MAST2: variants seen among roughly 807,000 people sequenced by gnomAD.
MAST2 encodes microtubule associated serine/threonine kinase 2, also known as microtubule-associated serine/threonine-protein kinase 2.
Under a neutral mutation model 147.4 loss-of-function variants are expected in MAST2, and 70 were observed. The ratio of observed to expected loss-of-function variants is 0.47; its 90% CI spans 0.39 to 0.58. The LOEUF (loss-of-function observed/expected upper bound fraction) is 0.58, where lower values mean the gene tolerates loss of function less well. MAST2 is among the 20% of genes least tolerant of loss of function. The probability of loss-of-function intolerance (pLI) is 0.00; values close to 1 mark genes in which losing one functional copy is unlikely to be tolerated. For synonymous variants in MAST2, 869 were observed against 896.8 expected, an observed-to-expected ratio of 0.97 and a Z score of 0.55; for missense variants, 2,080 against 2,302.3, an observed-to-expected ratio of 0.90 and a Z score of 1.98.
chr1:45,814,158 C>T (rs1644382960), intron 1 of MAST2, among the ~76,000 whole-genome samples: 1 of 152,088 alleles, frequency 6.6e-6, no homozygotes, highest in Non-Finnish European at 1.5e-5. Context: ...ATGTTACTTG[C>T]TTATGTATTT....
At chr1:45,895,588 C>T (rs1184995321) in intron 4 of MAST2, among the ~76,000 whole-genome samples, 1 of 152,182 alleles carries the variant, frequency 6.6e-6, no homozygotes, top group Admixed American at 6.5e-5. Flanking sequence ...GTGTACTTCT[C>T]TGATGTGACT....
At chr1:45,950,933 G>C (rs753849007) in intron 4 of MAST2, among the ~76,000 whole-genome samples, 2 of 151,968 alleles carry the variant, frequency 1.3e-5, no homozygotes, top group Admixed American at 6.6e-5. Context: ...AAATACGAAT[G>C]TTAGCTGAGT....
chr1:45,922,268 G>T lies in MAST2; in HGVS notation c.501-37118G>T, dbSNP rs568553151. Among the ~76,000 whole-genome samples the T allele has an allele frequency of 3.3e-5, 5 of 152,354 alleles. No homozygotes were observed. The East Asian group carries it at 9.7e-4, about 29-fold the overall frequency. ...GTTGCCCTTGCGGTTTCTGGGACTGGCGACCCATCCCCCAGGCTTCAGGCT... is the reference window on the plus strand; with the variant it reads ...GTTGCCCTTGCGGTTTCTGGGACTGTCGACCCATCCCCCAGGCTTCAGGCT... On this transcript the variant is annotated intron_variant, in intron 4 of 28. Transcript: ENST00000361297.
At position 45,911,982 on chromosome 1, in the gene MAST2, G is replaced by A. The variant is rs1287804768; in HGVS notation, c.500+29587G>A. 2.0e-5 allele frequency among the ~76,000 whole-genome samples: 3 copies of A among 151,764 alleles called. No individual in the cohort carries two copies. In the East Asian group the frequency reaches 5.8e-4, roughly 29 times the overall value. ...TCAGCCATAACTGCAAGCCTTAGCTGGGGATGGGAGGATAGACCCAAGGTT... is the reference window on the plus strand; with the variant it reads ...TCAGCCATAACTGCAAGCCTTAGCTAGGGATGGGAGGATAGACCCAAGGTT... On this transcript the variant is annotated intron_variant, in intron 4 of 28. Coordinates refer to ENST00000361297, the MANE Select transcript of MAST2 (RefSeq NM_015112.3).
intron 5 of MAST2, among the ~76,000 whole-genome samples, chr1:45,963,806 G>A (rs1052055123): frequency 6.6e-6 from 1 of 152,210 alleles, no homozygotes; most frequent in Non-Finnish European, 1.5e-5. Flanking sequence ...ATGTTGAATA[G>A]GAGTGGTGAG....
intron 3 of MAST2, among the ~76,000 whole-genome samples, chr1:45,865,868 T>G (rs1646131627): frequency 6.6e-6 from 1 of 152,222 alleles, no homozygotes; most frequent in South Asian, 2.1e-4. Flanking sequence ...CAAGCCAGCT[T>G]CTAGTCTATC....
chr1:45,966,798 G>T (rs555920239), intron 5 of MAST2, among the ~76,000 whole-genome samples: 1 of 150,418 alleles, frequency 6.6e-6, no homozygotes, highest in East Asian at 2.0e-4. Context: ...AGCAGTAAAT[G>T]AATAGCTCCT....
At chr1:45,929,016 G>C (rs958714066) in intron 4 of MAST2, among the ~76,000 whole-genome samples, 1 of 152,006 alleles carries the variant, frequency 6.6e-6, no homozygotes, top group African/African-American at 2.4e-5. Flanking sequence ...GGGTTGAGGG[G>C]GTGGGAAGAA....
intron 3 of MAST2, among the ~76,000 whole-genome samples, chr1:45,878,200 T>A (rs1421729611): frequency 1.3e-5 from 1 of 78,146 alleles, no homozygotes; most frequent in African/African-American, 4.5e-5. Flanking sequence ...CAAGGCTCTA[T>A]CTCAAAAAAA....
intron 4 of MAST2, among the ~76,000 whole-genome samples, chr1:45,895,241 T>C (rs894438914): frequency 2.0e-5 from 3 of 152,196 alleles, no homozygotes; most frequent in African/African-American, 7.2e-5. Context: ...ATTTGATGGA[T>C]ATTTGGGTTG....
At chr1:45,829,331 A>G in intron 2 of MAST2, 108 bp from the exon 3 acceptor site, 1 of 931,392 alleles carries the variant, frequency 1.1e-6, no homozygotes. Context: ...GAACAATTTT[A>G]CTTTGTATCA....
intron 10 of MAST2, among the ~76,000 whole-genome samples, chr1:46,016,406 T>C (rs1335648653): frequency 6.6e-6 from 1 of 151,996 alleles, no homozygotes; most frequent in African/African-American, 2.4e-5. Flanking sequence ...TGTTTCCAGA[T>C]GACATGATTG....
At chr1:45,890,640 G>T (rs2148394901) in intron 4 of MAST2, among the ~76,000 whole-genome samples, 1 of 152,290 alleles carries the variant, frequency 6.6e-6, no homozygotes, top group Middle Eastern at 3.4e-3. Context: ...AATATAGTCA[G>T]ATTGGGGGTA....
At chr1:45,847,622 C>T (rs768059291) in intron 3 of MAST2, 32 of 650,578 alleles carry the variant, frequency 4.9e-5, no homozygotes, top group Admixed American at 1.9e-4. Context: ...GACGTCCTCG[C>T]GGCCACAGAG....
intron 4 of MAST2, among the ~76,000 whole-genome samples, chr1:45,930,183 A>G (rs1038719726): frequency 6.6e-6 from 1 of 151,884 alleles, no homozygotes; most frequent in Non-Finnish European, 1.5e-5. Flanking sequence ...GGTTTAAGCA[A>G]TTCTCTGCCT....
At position 46,033,790 on chromosome 1, in the gene MAST2, T is replaced by C; in HGVS notation, c.3538-12T>C. 6.2e-7 allele frequency: 1 copy of C among 1,613,768 alleles called. No individual in the cohort carries two copies. The highest frequency in any genetic ancestry group is 8.5e-7 in the Non-Finnish European group (1 of 1,179,716). On this transcript the variant is annotated splice_polypyrimidine_tract_variant and intron_variant, in intron 26 of 28. Coordinates refer to ENST00000361297, the MANE Select transcript of MAST2 (RefSeq NM_015112.3). ...CTCCAGCTTAGCCTAGGCCTCATGC[T>C]CTGCTCCCCAGAGTGGAAACAAGGT... is the stretch of plus-strand genomic sequence containing the variant.
At chr1:45,957,703 A>G (rs1557962766) in intron 4 of MAST2, among the ~76,000 whole-genome samples, 1 of 152,146 alleles carries the variant, frequency 6.6e-6, no homozygotes, top group East Asian at 1.9e-4. Flanking sequence ...AGAAAATGTG[A>G]ATTAGTTGTC....
chr1:45,849,521 C>T (rs1645553245), intron 3 of MAST2, among the ~76,000 whole-genome samples: 1 of 96,406 alleles, frequency 1.0e-5, no homozygotes, highest in Admixed American at 1.5e-4. Context: ...AAGCTGGACC[C>T]CCTCTTTTCT....
intron 3 of MAST2, among the ~76,000 whole-genome samples, chr1:45,873,058 A>G (rs1190520716): frequency 6.6e-6 from 1 of 152,114 alleles, no homozygotes; most frequent in Non-Finnish European, 1.5e-5. Flanking sequence ...TATACCTTGA[A>G]TATTTGGGGT....
Sources: allele counts gnomAD v4.1 joint callset (sites outside exome capture counted in the v4.1 genomes callset), GRCh38; gene constraint gnomAD v4.1.1; transcripts MANE v1.5; gene names NCBI Gene and HGNC (gene_info 2026-07-23, HGNC 2026-07-21).